The following FRMPD4 variants were observed in gnomAD, a reference collection of about 807,000 sequenced individuals.
FRMPD4 encodes the protein FERM and PDZ domain containing 4.
FRMPD4 carries 22 observed loss-of-function variants against 94.1 expected under a neutral mutation model. That is an observed-to-expected ratio of 0.23 (90% CI 0.17 to 0.33). FRMPD4 has a LOEUF of 0.33. Ranked by LOEUF, FRMPD4 falls within the 10% of genes least tolerant of loss-of-function variation. FRMPD4 has a pLI of 1.00. For synonymous variants in FRMPD4, 631 were observed against 548.6 expected, an observed-to-expected ratio of 1.15 and a Z score of -2.10; for missense variants, 1,111 against 1,339.9, an observed-to-expected ratio of 0.83 and a Z score of 2.67.
chrX:12,675,572 C>G (rs1188176738), intron 5 of FRMPD4, among the ~76,000 whole-genome samples: 1 of 111,490 alleles, frequency 9.0e-6, no homozygotes, highest in East Asian at 2.8e-4. Flanking sequence ...TTCCATCCCC[C>G]CAATAAGATC....
chrX:12,380,180 T>C (rs926959418), intron 1 of FRMPD4, among the ~76,000 whole-genome samples: 2 of 112,299 alleles, frequency 1.8e-5, no homozygotes, highest in African/African-American at 6.5e-5. Flanking sequence ...TAATGTTTTG[T>C]TTAAGGTACC....
At chrX:12,066,023 T>A (rs1175020216) in intron 3 of FRMPD4, among the ~76,000 whole-genome samples, 2 of 112,087 alleles carry the variant, frequency 1.8e-5, no homozygotes, top group African/African-American at 6.5e-5. Context: ...TATGAGAAAT[T>A]TCATGTGTTT....
In FRMPD4 at chrX:12,138,814, C is replaced by G. The variant is rs937181264; in HGVS notation, c.-158C>G. ...GGAGGGGGGTAGCAGCCGCCGCCTC[C>G]AGGTGCAGGTTCTCTCCGGCCGCCG... On this transcript the variant is annotated 5_prime_UTR_variant, in exon 1 of 17. Coordinates refer to ENST00000675598, the MANE Select transcript of FRMPD4 (RefSeq NM_001368397.1). The G allele has an allele frequency of 7.8e-6, 3 of 382,167 alleles. No homozygotes were observed. In the African/African-American group the frequency reaches 7.9e-5, roughly 10 times the overall value. The allele number at this position is 382,167 out of a possible 1,213,427, so 31.5% of individuals were successfully genotyped here.
chrX:11,841,232 C>T (rs1341252288), intron 1 of FRMPD4, among the ~76,000 whole-genome samples: 1 of 109,449 alleles, frequency 9.1e-6, no homozygotes, highest in African/African-American at 3.4e-5. Flanking sequence ...TTTATAGCAG[C>T]ATGATTTATA....
chrX:12,189,535 C>A lies in FRMPD4; in HGVS notation c.41+50523C>A, dbSNP rs191986152. The stretch of plus-strand genomic sequence containing the variant: ...CCAATGAAATATTAGCAAATTGAAT[C>A]AAAAAATGTGTTAAAAGAATTTTAC... On this transcript the variant is annotated intron_variant, in intron 1 of 16. Transcript: ENST00000675598. Among the ~76,000 whole-genome samples, 547 of 111,757 alleles carry A rather than the reference C, an allele frequency of 4.9e-3. 5 individuals are homozygous for A. Among genetic ancestry groups the A allele is most frequent in the African/African-American group, 0.017 (520 of 30,896 alleles).
At chrX:11,891,619 AT>A (rs1488018376) in intron 3 of FRMPD4, among the ~76,000 whole-genome samples, 1 of 111,994 alleles carries the variant, frequency 8.9e-6, no homozygotes, top group African/African-American at 3.2e-5. Context: ...AGCTCAGGTA[AT>A]TACCCTCTCT....
intron 1 of FRMPD4, among the ~76,000 whole-genome samples, chrX:12,327,088 G>T (rs1488546840): frequency 1.8e-5 from 2 of 111,865 alleles, no homozygotes; most frequent in Non-Finnish European, 3.8e-5. Context: ...TCTCTGAGCT[G>T]CTGACACATC....
rs1224007025 is a variant in FRMPD4, at chrX:12,720,777, A to G, written c.4208A>G (p.His1403Arg). Reference sequence around the variant, plus strand: ...CCTCCCAGCCAGAAGGCTCTGAGACATAGCAGCAGTATCCTCTCCGGATCT... The same window carrying G: ...CCTCCCAGCCAGAAGGCTCTGAGACGTAGCAGCAGTATCCTCTCCGGATCT... ...RTPPSQKALR[H>R]SSSILSGSVD... Residue 1403 changes from histidine to arginine, a missense_variant, in exon 17 of 17, where the codon CAT (histidine) becomes CGT (arginine). Transcript: ENST00000675598. The G allele has an allele frequency of 1.3e-5, 13 of 1,036,159 alleles. No individual in the cohort carries two copies. The highest frequency in any genetic ancestry group is 1.5e-5 in the Non-Finnish European group (12 of 813,512). The allele number at this position is 1,036,159 out of a possible 1,213,427, so 85.4% of individuals were successfully genotyped here. A position where few individuals can be genotyped will look rare whatever the true frequency, so the allele number is the denominator to read the frequency against.
chrX:12,398,381 TGCCAACTAA>T (rs2056570296), intron 1 of FRMPD4, among the ~76,000 whole-genome samples: 1 of 112,129 alleles, frequency 8.9e-6, no homozygotes, highest in Non-Finnish European at 1.9e-5. Flanking sequence ...AAGGATTCCA[TGCCAACTAA>T]GAAATTCAAT....
intron 1 of FRMPD4, among the ~76,000 whole-genome samples, chrX:12,299,101 C>G (rs980818802): frequency 1.8e-5 from 2 of 112,042 alleles, no homozygotes; most frequent in Non-Finnish European, 3.8e-5. Context: ...ACGTATTTGT[C>G]TTCATTCACA....
At chrX:12,033,453 C>A (rs925519316) in intron 3 of FRMPD4, among the ~76,000 whole-genome samples, 1 of 111,089 alleles carries the variant, frequency 9.0e-6, no homozygotes, top group African/African-American at 3.3e-5. Flanking sequence ...TGGGAGAAGG[C>A]AGAAGTGAAG....
intron 3 of FRMPD4, among the ~76,000 whole-genome samples, chrX:12,044,675 C>A (rs1266680251): frequency 9.0e-6 from 1 of 111,659 alleles, no homozygotes; most frequent in African/African-American, 3.3e-5. Context: ...CATTTCAGGT[C>A]CCAACTATCT....
intron 1 of FRMPD4, among the ~76,000 whole-genome samples, chrX:12,207,940 A>G (rs1253105501): frequency 8.9e-6 from 1 of 111,843 alleles, no homozygotes; most frequent in East Asian, 2.8e-4. Context: ...AAATCCTGCC[A>G]AGTTATAAAG....
intron 1 of FRMPD4, among the ~76,000 whole-genome samples, chrX:12,378,620 G>A (rs989392870): frequency 8.9e-6 from 1 of 112,351 alleles, no homozygotes; most frequent in African/African-American, 3.2e-5. Flanking sequence ...GCTGTGTGTA[G>A]GAACATGTAA....
Position 12,716,841 on chromosome X carries a change from T to C in FRMPD4, c.2382T>C (p.Asn794=). The C allele has an allele frequency of 8.3e-7, 1 of 1,211,580 alleles. No individual in the cohort carries two copies. The change falls in exon 15 of 17, where the codon AAT becomes AAC. Residue 794 remains asparagine (N), a synonymous_variant. Transcript: ENST00000675598. ...TSLPPPEGDD[N]EDDFLLRSLN... ...TGCCCCCTCCAGAAGGTGATGACAATGAGGATGACTTCCTGTTGCGTTCCT... is the reference window on the plus strand; with the variant it reads ...TGCCCCCTCCAGAAGGTGATGACAACGAGGATGACTTCCTGTTGCGTTCCT...
At chrX:12,678,959 C>T (rs1471011273) in intron 5 of FRMPD4, among the ~76,000 whole-genome samples, 1 of 112,670 alleles carries the variant, frequency 8.9e-6, no homozygotes, top group Non-Finnish European at 1.9e-5. Flanking sequence ...TCTTCTAGTC[C>T]AAAGAGCTGA....
At chrX:12,498,493 C>A in intron 1 of FRMPD4, 187 bp from the exon 2 acceptor site, 1 of 476,412 alleles carries the variant, frequency 2.1e-6, no homozygotes, top group Non-Finnish European at 3.8e-6. Context: ...CCTACCCTTT[C>A]ATTTTGCTGC....
intron 2 of FRMPD4, among the ~76,000 whole-genome samples, chrX:12,545,063 T>C (rs1338714679): frequency 9.0e-6 from 1 of 111,378 alleles, no homozygotes; most frequent in African/African-American, 3.3e-5. Flanking sequence ...TCCACTCCTA[T>C]TGAATTCTCT....
chrX:12,286,272 TC>T (rs111894595), intron 1 of FRMPD4, among the ~76,000 whole-genome samples: 4,854 of 110,529 alleles, frequency 0.044, 269 homozygotes, highest in African/African-American at 0.15. Context: ...GTTTTTTTTT[TC>T]TTGTGAGATA....
Sources: allele counts gnomAD v4.1 joint callset (sites outside exome capture counted in the v4.1 genomes callset), GRCh38; gene constraint gnomAD v4.1.1; transcripts MANE v1.5; gene names NCBI Gene and HGNC (gene_info 2026-07-23, HGNC 2026-07-21).